SMAD6: variants seen among roughly 807,000 people sequenced by gnomAD.
SMAD6 encodes the protein MAD homolog 6.
A neutral mutation model predicts 39.4 loss-of-function variants in SMAD6; 103 were observed. The ratio of observed to expected loss-of-function variants is 2.62; its 90% CI spans 2.23 to 3.08. The LOEUF is 3.08. Among genes scored for constraint, SMAD6 ranks in the 30% most tolerant of loss-of-function variants. SMAD6 has a pLI of 0.00. For synonymous variants in SMAD6, 445 were observed against 353.3 expected, an observed-to-expected ratio of 1.26 and a Z score of -2.91; for missense variants, 1,104 against 742.9, an observed-to-expected ratio of 1.49 and a Z score of -5.65.
chr15:66,774,663 C>T (rs975222340), intron 3 of SMAD6, among the ~76,000 whole-genome samples: 1 of 152,064 alleles, frequency 6.6e-6, no homozygotes. Flanking sequence ...GGTATCATAC[C>T]TAAAATGAAA....
chr15:66,750,953 C>T (rs1893994262), intron 3 of SMAD6, among the ~76,000 whole-genome samples: 1 of 152,100 alleles, frequency 6.6e-6, no homozygotes, highest in African/African-American at 2.4e-5. Context: ...GGGATGTGAG[C>T]AGAGCGCCGG....
chr15:66,725,754 G>A (rs952388975), intron 3 of SMAD6, among the ~76,000 whole-genome samples: 3 of 152,208 alleles, frequency 2.0e-5, no homozygotes, highest in Non-Finnish European at 4.4e-5. Context: ...TTGCTGGGCA[G>A]ATGTCATCAG....
intron 3 of SMAD6, among the ~76,000 whole-genome samples, chr15:66,751,293 G>A (rs1223178023): frequency 1.3e-5 from 2 of 152,130 alleles, no homozygotes. Context: ...TCGGCCTCTT[G>A]GTAGCCCGTG....
chr15:66,771,158 T>A (rs1894373181), intron 3 of SMAD6, among the ~76,000 whole-genome samples: 1 of 152,144 alleles, frequency 6.6e-6, no homozygotes, highest in Admixed American at 6.5e-5. Context: ...GGCGTGCTGA[T>A]GGGAGTGGGG....
intron 3 of SMAD6, among the ~76,000 whole-genome samples, chr15:66,735,576 CAA>C (rs1234929389): frequency 3.3e-5 from 5 of 152,114 alleles, no homozygotes; most frequent in Non-Finnish European, 5.9e-5. Flanking sequence ...TTCAGATGCA[CAA>C]AGTTTATTGG....
intron 3 of SMAD6, among the ~76,000 whole-genome samples, chr15:66,762,798 G>A (rs749374655): frequency 1.2e-4 from 18 of 152,122 alleles, no homozygotes; most frequent in Admixed American, 7.2e-4. Flanking sequence ...TGTCCATCTG[G>A]TGGTAGGATG....
intron 3 of SMAD6, 120 bp downstream of exon 3, chr15:66,716,618 C>A: frequency 2.5e-6 from 2 of 793,324 alleles, no homozygotes; most frequent in Non-Finnish European, 4.3e-6. Flanking sequence ...CCTTTTCCTC[C>A]AATCCTTGGA....
chr15:66,730,085 A>G (rs1893599853), intron 3 of SMAD6, among the ~76,000 whole-genome samples: 2 of 152,182 alleles, frequency 1.3e-5, no homozygotes, highest in South Asian at 4.1e-4. Flanking sequence ...GCGGGGACAC[A>G]TGTGGGTGCC....
At chr15:66,732,250 T>TAAA (rs1043641302) in intron 3 of SMAD6, among the ~76,000 whole-genome samples, 6 of 152,342 alleles carry the variant, frequency 3.9e-5, no homozygotes, top group African/African-American at 1.4e-4. Context: ...CTTGTGGTTT[T>TAAA]AAATCACCTT....
intron 3 of SMAD6, among the ~76,000 whole-genome samples, chr15:66,769,263 G>T (rs961422697): frequency 6.6e-6 from 1 of 152,182 alleles, no homozygotes; most frequent in Non-Finnish European, 1.5e-5. Flanking sequence ...TCTGCTTAAC[G>T]TAATGCTGTG....
At chr15:66,731,645 A>T (rs894913573) in intron 3 of SMAD6, among the ~76,000 whole-genome samples, 1 of 152,146 alleles carries the variant, frequency 6.6e-6, no homozygotes, top group East Asian at 1.9e-4. Flanking sequence ...TGTTTCTTGG[A>T]TGGACATTTG....
chr15:66,757,028 G>T (rs564250326), intron 3 of SMAD6, among the ~76,000 whole-genome samples: 1 of 152,328 alleles, frequency 6.6e-6, no homozygotes, highest in East Asian at 1.9e-4. Context: ...CTTTGGGTTA[G>T]CGATGGGGGG....
At position 66,710,291 on chromosome 15, in the gene SMAD6, T is replaced by C. The variant is rs190471036; in HGVS notation, c.818-1377T>C. Among the ~76,000 whole-genome samples the C allele has an allele frequency of 2.7e-3, 407 of 152,348 alleles. 2 individuals carry two copies. Among genetic ancestry groups the C allele is most frequent in the Non-Finnish European group, 4.6e-3 (313 of 68,026 alleles). On this transcript the variant is annotated intron_variant, in intron 1 of 3. Coordinates refer to ENST00000288840, the MANE Select transcript of SMAD6 (RefSeq NM_005585.5). The stretch of plus-strand genomic sequence containing the variant: ...TCTAAAATAGTAAAATTGAAAGTGA[T>C]TGGCATGGAGTGAGACACAACGTAG...
chr15:66,703,400 CG>C lies in SMAD6; in HGVS notation c.145del (p.Ala49GlnfsTer15). The C allele has an allele frequency of 7.2e-7, 1 of 1,394,820 alleles. No homozygotes were observed. The highest frequency in any genetic ancestry group is 9.3e-7 in the Non-Finnish European group (1 of 1,073,618). The allele number at this position is 1,394,820 out of a possible 1,614,324, so 86.4% of individuals were successfully genotyped here. A position where few individuals can be genotyped will look rare whatever the true frequency, so the allele number is the denominator to read the frequency against. ...SLGSRAEPAP[R>X]AREGGGCGRS... ...GGGCAGCCGAGCTGAGCCGGCCCCG[CG>C]GGCAAGAGAGGGCGGAGGCTGCGGC... On this transcript the variant is annotated frameshift_variant, in exon 1 of 4. Transcript: ENST00000288840. LOFTEE classifies it high-confidence loss of function.
rs148563981 is a variant in SMAD6, at chr15:66,702,310, AAGAG to A, written c.-940_-937del. On this transcript the variant is annotated 5_prime_UTR_variant, in exon 1 of 4. An upstream open reading frame in the 5' UTR gains an earlier in-frame stop. Coordinates refer to ENST00000288840, the MANE Select transcript of SMAD6 (RefSeq NM_005585.5). ...CAGTGTGCGTTTGAGGAGAACAAAA[AAGAG>A]AGAGAGAGCCGAGCGGGGGAGCGAT... 1 of 152,066 alleles carries A rather than the reference AAGAG, an allele frequency of 6.6e-6. No homozygotes were observed. The highest frequency in any genetic ancestry group is 1.5e-5 in the Non-Finnish European group (1 of 68,030). The allele number at this position is 152,066 out of a possible 1,614,324, so 9.4% of individuals were successfully genotyped here.
chr15:66,771,388 A>G (rs1894376852), intron 3 of SMAD6, among the ~76,000 whole-genome samples: 1 of 152,234 alleles, frequency 6.6e-6, no homozygotes, highest in African/African-American at 2.4e-5. Context: ...AACCTTACCC[A>G]TCACAGCCCA....
intron 3 of SMAD6, among the ~76,000 whole-genome samples, chr15:66,738,308 A>G (rs1258455158): frequency 1.3e-5 from 2 of 152,158 alleles, no homozygotes; most frequent in Non-Finnish European, 2.9e-5. Context: ...ATGGTGAAGC[A>G]CAGCTGGAGG....
At chr15:66,710,653 G>A (rs966505170) in intron 1 of SMAD6, among the ~76,000 whole-genome samples, 1 of 152,092 alleles carries the variant, frequency 6.6e-6, no homozygotes, top group African/African-American at 2.4e-5. Flanking sequence ...TTCATTTACC[G>A]AAAATGAAGG....
At chr15:66,757,021 T>C (rs1567109270) in intron 3 of SMAD6, among the ~76,000 whole-genome samples, 1 of 152,154 alleles carries the variant, frequency 6.6e-6, no homozygotes, top group Non-Finnish European at 1.5e-5. Context: ...CCTTAGACTT[T>C]GGGTTAGCGA....
Sources: allele counts gnomAD v4.1 joint callset (sites outside exome capture counted in the v4.1 genomes callset), GRCh38; gene constraint gnomAD v4.1.1; transcripts MANE v1.5; gene names NCBI Gene and HGNC (gene_info 2026-07-23, HGNC 2026-07-21).